The following ARHGAP44 variants were observed in gnomAD, a reference collection of about 807,000 sequenced individuals.
The protein encoded by ARHGAP44 is Rho GTPase activating protein 44, also known as rho GTPase-activating protein 44.
In ARHGAP44, 43 loss-of-function variants were observed where a neutral mutation model predicts 106.8. The ratio of observed to expected loss-of-function variants is 0.40; its 90% CI spans 0.32 to 0.52. ARHGAP44 has a LOEUF of 0.52. Ranked by LOEUF, ARHGAP44 falls within the 20% of genes least tolerant of loss-of-function variation. ARHGAP44 has a pLI of 0.48. For missense variants in ARHGAP44, 866 were observed against 1,050.5 expected (o/e 0.82, Z 2.43); for synonymous variants, 439 against 410.3 (o/e 1.07, Z -0.85).
intron 1 of ARHGAP44, among the ~76,000 whole-genome samples, chr17:12,839,272 T>C (rs1359366068): frequency 6.6e-6 from 1 of 152,210 alleles, no homozygotes; most frequent in Non-Finnish European, 1.5e-5. Context: ...CATCAAGGAC[T>C]GTGGGCCTGC....
chr17:12,859,062 G>A (rs138234989), intron 1 of ARHGAP44, among the ~76,000 whole-genome samples: 3,724 of 152,268 alleles, frequency 0.024, 153 homozygotes, highest in African/African-American at 0.085. Context: ...AATTCAAGAT[G>A]AGATTTGGGT....
chr17:12,840,422 TC>T (rs1320510504), intron 1 of ARHGAP44, among the ~76,000 whole-genome samples: 2 of 152,220 alleles, frequency 1.3e-5, no homozygotes. Context: ...GGAGCCACAG[TC>T]AAATAAGCCA....
intron 1 of ARHGAP44, among the ~76,000 whole-genome samples, chr17:12,856,401 C>A (rs1218533507): frequency 2.0e-5 from 3 of 152,130 alleles, no homozygotes; most frequent in Non-Finnish European, 2.9e-5. Flanking sequence ...AGATAAATAC[C>A]CTTCTTCTCT....
intron 1 of ARHGAP44, among the ~76,000 whole-genome samples, chr17:12,830,790 G>A (rs1362486500): frequency 6.6e-6 from 1 of 152,024 alleles, no homozygotes; most frequent in African/African-American, 2.4e-5. Flanking sequence ...CTCTCATCTG[G>A]TGTTTTGCTT....
At chr17:12,934,385 A>G (rs899398117) in intron 7 of ARHGAP44, among the ~76,000 whole-genome samples, 1 of 152,192 alleles carries the variant, frequency 6.6e-6, no homozygotes, top group African/African-American at 2.4e-5. Flanking sequence ...CTAAAAGACA[A>G]CCTTGAGTCT....
intron 1 of ARHGAP44, among the ~76,000 whole-genome samples, chr17:12,853,712 T>A (rs2035827932): frequency 6.6e-6 from 1 of 152,198 alleles, no homozygotes; most frequent in African/African-American, 2.4e-5. Context: ...CAGAGTTAAC[T>A]CGCATTTTCT....
intron 1 of ARHGAP44, among the ~76,000 whole-genome samples, chr17:12,839,665 T>C (rs60815736): frequency 0.048 from 7,304 of 152,288 alleles, 216 homozygotes; most frequent in African/African-American, 0.087. Flanking sequence ...ATTTCACCAA[T>C]GACCCTAGGC....
At chr17:12,810,288 C>G (rs542398210) in intron 1 of ARHGAP44, among the ~76,000 whole-genome samples, 1 of 152,288 alleles carries the variant, frequency 6.6e-6, no homozygotes, top group African/African-American at 2.4e-5. Context: ...AGTTTGAAAT[C>G]AAGGTGTCAC....
At chr17:12,922,309 T>C (rs936146210) in intron 6 of ARHGAP44, among the ~76,000 whole-genome samples, 6 of 152,218 alleles carry the variant, frequency 3.9e-5, no homozygotes, top group Admixed American at 3.3e-4. Flanking sequence ...GACTAACCTC[T>C]TTAGCGTGCT....
At chr17:12,839,773 T>A (rs1470143854) in intron 1 of ARHGAP44, among the ~76,000 whole-genome samples, 7 of 152,238 alleles carry the variant, frequency 4.6e-5, no homozygotes, top group African/African-American at 9.6e-5. Flanking sequence ...CCTCTTCTCT[T>A]TTCACATTAT....
intron 1 of ARHGAP44, among the ~76,000 whole-genome samples, chr17:12,889,150 G>A (rs1486997751): frequency 1.3e-5 from 2 of 151,874 alleles, no homozygotes; most frequent in Admixed American, 6.6e-5. Context: ...TTCATTGCTT[G>A]TATTCCTTTC....
At chr17:12,914,409 G>T (rs2037839293) in intron 4 of ARHGAP44, among the ~76,000 whole-genome samples, 2 of 152,192 alleles carry the variant, frequency 1.3e-5, no homozygotes, top group African/African-American at 4.8e-5. Flanking sequence ...TCTTGTTTGT[G>T]GGACAGCTTA....
chr17:12,852,901 A>G (rs1464509054), intron 1 of ARHGAP44, among the ~76,000 whole-genome samples: 1 of 152,198 alleles, frequency 6.6e-6, no homozygotes, highest in African/African-American at 2.4e-5. Flanking sequence ...TATAGATTGC[A>G]TGGTCAGGTG....
chr17:12,956,780 G>T, intron 15 of ARHGAP44, 34 bp downstream of exon 15: 3 of 1,588,864 alleles, frequency 1.9e-6, no homozygotes, highest in Non-Finnish European at 2.6e-6. Flanking sequence ...GGGGCAAGAG[G>T]CAGGGAACAG....
In ARHGAP44 at chr17:12,980,049, T is replaced by A; in HGVS notation, c.1764-9T>A. ...GGCTTTTCTTTTGTCTCATGTGCTT[T>A]CGTTTCAGCACAACAAAAAGCAAGG... On this transcript the variant is annotated splice_polypyrimidine_tract_variant and intron_variant, in intron 18 of 20. Coordinates refer to ENST00000379672, the MANE Select transcript of ARHGAP44 (RefSeq NM_014859.6). 6.3e-7 allele frequency: 1 copy of A among 1,593,956 alleles called. No homozygotes were observed. Among genetic ancestry groups the A allele is most frequent in the Non-Finnish European group, 8.6e-7 (1 of 1,169,042 alleles).
At chr17:12,972,967 A>G in intron 16 of ARHGAP44, 1 of 240,024 alleles carries the variant, frequency 4.2e-6, no homozygotes, top group Non-Finnish European at 8.0e-6. Context: ...GGTCATAAAT[A>G]AGTAAAATGT....
At chr17:12,919,389 T>TC (rs1457298218) in intron 5 of ARHGAP44, among the ~76,000 whole-genome samples, 1 of 131,302 alleles carries the variant, frequency 7.6e-6, no homozygotes, top group Non-Finnish European at 1.5e-5. Flanking sequence ...TAGTTCTTCT[T>TC]TTTTTTTTTT....
intron 1 of ARHGAP44, among the ~76,000 whole-genome samples, chr17:12,873,906 AAAATAAATAAATAAATAAATAAAC>A (rs1029989195): frequency 7.7e-5 from 4 of 52,116 alleles, no homozygotes; most frequent in Admixed American, 2.5e-4. Context: ...TCAGTCTCAA[AAAATAAATAAATAAATAAATAAAC>A]AAATAAATAA....
intron 1 of ARHGAP44, among the ~76,000 whole-genome samples, chr17:12,870,066 T>TTTTTG (rs1555549506): frequency 6.9e-6 from 1 of 143,970 alleles, no homozygotes; most frequent in Non-Finnish European, 1.5e-5. Flanking sequence ...TTTTTTTTTT[T>TTTTTG]GAGATAGAGT....
Sources: gnomAD v4.1 joint callset for allele counts (sites outside exome capture counted in the v4.1 genomes callset) on GRCh38, gnomAD v4.1.1 for gene constraint, MANE v1.5 for transcripts, NCBI Gene and HGNC (gene_info 2026-07-23, HGNC 2026-07-21) for gene names.